WDFY4: variants seen among roughly 807,000 people sequenced by gnomAD.
The protein encoded by WDFY4 is WDFY family member 4.
Under a neutral mutation model 351.9 loss-of-function variants are expected in WDFY4, and 169 were observed. The observed-to-expected ratio is 0.48, with a 90% CI of 0.42 to 0.55. The LOEUF (loss-of-function observed/expected upper bound fraction) is 0.55. Ranked by LOEUF, WDFY4 falls within the 20% of genes least tolerant of loss-of-function variation. The pLI is 0.00. For missense variants in WDFY4, 3,803 were observed against 3,935.6 expected (o/e 0.97, Z 0.90); for synonymous variants, 1,622 against 1,574.6 (o/e 1.03, Z -0.71).
At chr10:48,725,786 C>T (rs1056063404) in intron 5 of WDFY4, 95 bp from the exon 6 acceptor site, 1 of 1,234,542 alleles carries the variant, frequency 8.1e-7, no homozygotes, top group Non-Finnish European at 1.1e-6. Flanking sequence ...CAGAGACATG[C>T]TCATCAGTGC....
At chr10:48,907,663 G>A (rs901499346) in intron 47 of WDFY4, among the ~76,000 whole-genome samples, 1 of 152,158 alleles carries the variant, frequency 6.6e-6, no homozygotes. Flanking sequence ...GTTAGCTGGG[G>A]GGAGGCTAAA....
At chr10:48,774,196 C>T (rs1423580186) in intron 13 of WDFY4, among the ~76,000 whole-genome samples, 1 of 152,254 alleles carries the variant, frequency 6.6e-6, no homozygotes, top group Non-Finnish European at 1.5e-5. Context: ...CATGTGGCCT[C>T]CATCTTTAGC....
At chr10:48,966,412 A>C in intron 54 of WDFY4, 114 bp from the exon 55 acceptor site, 8 of 1,197,938 alleles carry the variant, frequency 6.7e-6, no homozygotes, top group Non-Finnish European at 8.0e-6. Flanking sequence ...CTCTGTCAGG[A>C]ACAAGCCGAG....
chr10:48,796,580 A>C, intron 24 of WDFY4, 130 bp downstream of exon 24: 1 of 1,299,640 alleles, frequency 7.7e-7, no homozygotes, highest in Non-Finnish European at 1.0e-6. Context: ...GGGAAAACCA[A>C]ACGAGCCTGC....
chr10:48,709,936 C>A lies in WDFY4; in HGVS notation c.204C>A (p.Ser68Arg), dbSNP rs752591593. ...THKSPIERQK[S>R]LLSLLPLFLK... Reference sequence around the variant, plus strand: ...AGAGCCCCATTGAGCGTCAGAAGAGCCTGTTGAGTCTTCTCCCCCTATTCC... The same window carrying A: ...AGAGCCCCATTGAGCGTCAGAAGAGACTGTTGAGTCTTCTCCCCCTATTCC... Residue 68 changes from serine (S) to arginine (R), a missense_variant, in exon 2 of 62, where the codon AGC becomes AGA. Physicochemically the swap from Ser to Arg is moderately radical, Grantham distance 110. This residue lies in a region of WDFY4 where 488 missense variants were observed against 456.8 expected (regional missense o/e 1.07). Transcript: ENST00000325239. 1.9e-6 allele frequency: 3 copies of A among 1,552,096 alleles called. No individual in the cohort carries two copies. In the South Asian group the frequency reaches 3.6e-5, roughly 18 times the overall value.
rs920941307 is a variant in WDFY4 at position 48,959,725 on chromosome 10, G to A, written c.8135G>A (p.Cys2712Tyr). ...LTNCNGVEFG[C>Y]MQDGTVLGDV... ...TGCTGCTTCTCATCCCATGCAGGCT[G>A]CATGCAGGACGGGACTGTGCTAGGA... The change falls in exon 53 of 62, where the codon TGC becomes TAC. Residue 2712 changes from cysteine (C) to tyrosine (Y), a missense_variant. Around this residue, in one of 3 missense-constraint regions of WDFY4, gnomAD observed 3,054 missense variants for 3,148.6 expected, o/e 0.97. Transcript: ENST00000325239. 6.4e-7 allele frequency: 1 copy of A among 1,551,552 alleles called. No individual in the cohort carries two copies. Among genetic ancestry groups the A allele is most frequent in the Non-Finnish European group, 8.7e-7 (1 of 1,146,930 alleles).
intron 2 of WDFY4, among the ~76,000 whole-genome samples, chr10:48,719,406 G>A (rs1053379065): frequency 3.9e-5 from 6 of 152,188 alleles, no homozygotes; most frequent in Admixed American, 6.5e-5. Flanking sequence ...CAGTGTTGCC[G>A]AGGGTGTAGA....
chr10:48,981,376 G>A lies in WDFY4; in HGVS notation c.9386G>A (p.Trp3129Ter). ...CACATGCTCCACACAGGCCACAAGTGGGAGAAGAACCTGGCCTTGAGTCGA... is the reference window on the plus strand; with the variant it reads ...CACATGCTCCACACAGGCCACAAGTAGGAGAAGAACCTGGCCTTGAGTCGA... ...AQPPSPRGHK[W>*]EKNLALSREL... is the part of the protein sequence containing the mutation. The change falls in exon 61 of 62, where the codon TGG becomes TAG. Residue 3129 changes from tryptophan to a stop codon, truncating the protein, a stop_gained. Transcript: ENST00000325239. LOFTEE classifies it high-confidence loss of function. 1 of 1,551,768 alleles carries A rather than the reference G, an allele frequency of 6.4e-7. No individual in the cohort carries two copies. Among genetic ancestry groups the A allele is most frequent in the Non-Finnish European group, 8.7e-7 (1 of 1,147,004 alleles).
intron 24 of WDFY4, among the ~76,000 whole-genome samples, chr10:48,797,106 T>C (rs2066901979): frequency 6.6e-6 from 1 of 151,504 alleles, no homozygotes; most frequent in Non-Finnish European, 1.5e-5. Flanking sequence ...ATCTGGGGAG[T>C]GGGAGTGAGC....
At chr10:48,953,526 T>C (rs1159483675) in intron 51 of WDFY4, among the ~76,000 whole-genome samples, 1 of 152,246 alleles carries the variant, frequency 6.6e-6, no homozygotes, top group African/African-American at 2.4e-5. Context: ...CACCGTTGCA[T>C]ACTGCCTCTT....
intron 1 of WDFY4, among the ~76,000 whole-genome samples, chr10:48,691,982 C>A (rs373591058): frequency 2.0e-5 from 3 of 152,146 alleles, no homozygotes; most frequent in Admixed American, 6.5e-5. Flanking sequence ...GAGTCTCTGC[C>A]CTGAGAATGC....
At chr10:48,959,910 G>C in intron 53 of WDFY4, 97 bp downstream of exon 53, 1 of 1,082,002 alleles carries the variant, frequency 9.2e-7, no homozygotes, top group South Asian at 1.5e-5. Flanking sequence ...CCAGTGACCA[G>C]CACTGTGAGG....
rs779710552 is a variant in WDFY4, at chr10:48,873,589, C to T, written c.6840C>T (p.Thr2280=). ...GCTTGTGGAGCCAGGGGGAAGAAAC[C>T]AAGCCCTGTTCCCCATGGGAACTCG... The part of the protein sequence containing the change: ...ELGLWSQGEE[T]KPCSPWELDW... The change falls in exon 41 of 62, where the codon ACC becomes ACT. Residue 2280 remains threonine, a synonymous_variant. Coordinates refer to ENST00000325239, the MANE Select transcript of WDFY4 (RefSeq NM_001394531.1). 2 of 1,551,758 alleles carry T rather than the reference C, an allele frequency of 1.3e-6. No homozygotes were observed. The highest frequency in any genetic ancestry group is 8.7e-7 in the Non-Finnish European group (1 of 1,147,002).
intron 23 of WDFY4, among the ~76,000 whole-genome samples, chr10:48,795,870 T>C (rs1310702522): frequency 6.6e-6 from 1 of 152,106 alleles, no homozygotes; most frequent in Non-Finnish European, 1.5e-5. Flanking sequence ...CTGGGATGGA[T>C]GCTTCATGTT....
chr10:48,720,624 G>GCA (rs1023411900), intron 3 of WDFY4, among the ~76,000 whole-genome samples: 1 of 151,486 alleles, frequency 6.6e-6, no homozygotes, highest in Admixed American at 6.6e-5. Context: ...ATACACATAG[G>GCA]CACACACACA....
chr10:48,935,147 G>GCGCAGGGC (rs1422229922), intron 47 of WDFY4: 2 of 152,240 alleles, frequency 1.3e-5, no homozygotes, highest in African/African-American at 4.8e-5. Flanking sequence ...AAATCGATAA[G>GCGCAGGGC]CGCAGGGCCG....
intron 8 of WDFY4, 33 bp from the exon 9 acceptor site, chr10:48,731,077 G>T: frequency 6.7e-7 from 1 of 1,484,306 alleles, no homozygotes; most frequent in South Asian, 1.4e-5. Context: ...CAGGAGAAAT[G>T]ACTTGTAAGA....
intron 42 of WDFY4, among the ~76,000 whole-genome samples, 186 bp downstream of exon 42, chr10:48,875,326 G>A (rs1474986909): frequency 6.6e-6 from 1 of 152,146 alleles, no homozygotes; most frequent in East Asian, 1.9e-4. Flanking sequence ...CACTTGTTAG[G>A]GAAAACATTT....
chr10:48,811,163 C>A (rs1161376389), intron 29 of WDFY4, among the ~76,000 whole-genome samples: 1 of 152,224 alleles, frequency 6.6e-6, no homozygotes, highest in Non-Finnish European at 1.5e-5. Context: ...TAGTGCTTCA[C>A]AAAATTCATA....
Sources: allele counts gnomAD v4.1 joint callset (sites outside exome capture counted in the v4.1 genomes callset), GRCh38; gene constraint gnomAD v4.1.1; regional missense constraint gnomAD v4.1.1; transcripts MANE v1.5; gene names NCBI Gene and HGNC (gene_info 2026-07-23, HGNC 2026-07-21).